Variants in USF3 observed in about 807,000 individuals in gnomAD.
USF3 encodes basic helix-loop-helix domain-containing protein USF3.
In USF3, 29 loss-of-function variants were observed where a neutral mutation model predicts 157.5. That is an observed-to-expected ratio of 0.18 (90% CI 0.14 to 0.25). The LOEUF is 0.25. Ranked by LOEUF, USF3 falls within the 10% of genes least tolerant of loss-of-function variation. The pLI, the probability that USF3 is intolerant of heterozygous loss-of-function variation, is 1.00. For missense variants in USF3, 2,381 were observed against 2,667.6 expected (o/e 0.89, Z 2.37); for synonymous variants, 893 against 941.4 (o/e 0.95, Z 0.94).
In USF3 at chr3:113,657,263, TTGCTGCTGC is replaced by T. The variant is rs10606566; in HGVS notation, c.4410_4418del (p.Gln1476_Gln1478del). 496,863 of 1,582,198 alleles carry T rather than the reference TTGCTGCTGC, an allele frequency of 0.31. 74,687 individuals are homozygous for T. The highest frequency in any genetic ancestry group is 0.33 in the Non-Finnish European group (385,734 of 1,156,864). On this transcript the variant is annotated inframe_deletion, in exon 7 of 7. Transcript: ENST00000316407. ...ACTGCCCTGCTTGTTGTTGTTGCTGTTGCTGCTGCTGCTGCTGCTGCTGCTGCTGCTGCT... is the reference window on the plus strand; with the variant it reads ...ACTGCCCTGCTTGTTGTTGTTGCTGTTGCTGCTGCTGCTGCTGCTGCTGCT...
intron 5 of USF3, among the ~76,000 whole-genome samples, chr3:113,669,264 T>G (rs527634125): frequency 6.6e-6 from 1 of 151,770 alleles, no homozygotes; most frequent in African/African-American, 2.4e-5. Context: ...TCTCTAAAAT[T>G]GAAAAATTCA....
At position 113,655,816 on chromosome 3, in the gene USF3, CAGAT is replaced by C; in HGVS notation, c.5862_5865del (p.Ser1955CysfsTer67). 1 of 1,614,164 alleles carries C rather than the reference CAGAT, an allele frequency of 6.2e-7. No individual in the cohort carries two copies. Among genetic ancestry groups the C allele is most frequent in the Non-Finnish European group, 8.5e-7 (1 of 1,180,038 alleles). ...CCTTGATCGCCATTTCCATGAGACA[CAGAT>C]GGATGTGGCAACGCTGGCCTTGCAA... On this transcript the variant is annotated frameshift_variant, in exon 7 of 7. Coordinates refer to ENST00000316407, the MANE Select transcript of USF3 (RefSeq NM_001009899.4). LOFTEE classifies it high-confidence loss of function.
chr3:113,686,949 G>T (rs895133279), intron 1 of USF3, among the ~76,000 whole-genome samples: 8 of 151,758 alleles, frequency 5.3e-5, no homozygotes. Context: ...TTATATTTTG[G>T]AAGTGAATAC....
chr3:113,659,618 C>G lies in USF3; in HGVS notation c.2064G>C (p.Met688Ile). The stretch of plus-strand genomic sequence containing the variant: ...CGCTGGTGGTGGGTTGAATAATTTG[C>G]ATAGGGGTTTGATTTGTAGTTCCTG... ...SSSGTTNQTP[M>I]QIIQPTTSED... Residue 688 changes from methionine (M) to isoleucine (I), a missense_variant, in exon 7 of 7, where the codon ATG (methionine) becomes ATC (isoleucine). Met to Ile is a conservative substitution (Grantham distance 10). Transcript: ENST00000316407. 1 of 1,614,152 alleles carries G rather than the reference C, an allele frequency of 6.2e-7. No individual in the cohort carries two copies. The highest frequency in any genetic ancestry group is 8.5e-7 in the Non-Finnish European group (1 of 1,179,994).
chr3:113,660,586 T>G lies in USF3; in HGVS notation c.1096A>C (p.Thr366Pro), dbSNP rs1171317446. The change falls in exon 7 of 7, where the codon ACA (threonine) becomes CCA (proline). Residue 366 changes from threonine (T) to proline (P), a missense_variant. Coordinates refer to ENST00000316407, the MANE Select transcript of USF3 (RefSeq NM_001009899.4). ...PMSISKSADL[T>P]STATVVASSA... ...GATGCCACCACTGTAGCTGTACTTGTCAAGTCTGCACTCTTACTAATGCTC... is the reference window on the plus strand; with the variant it reads ...GATGCCACCACTGTAGCTGTACTTGGCAAGTCTGCACTCTTACTAATGCTC... The G allele has an allele frequency of 6.2e-7, 1 of 1,614,198 alleles. No homozygotes were observed.
chr3:113,694,970 A>G (rs1707767798), intron 1 of USF3, among the ~76,000 whole-genome samples: 1 of 152,168 alleles, frequency 6.6e-6, no homozygotes, highest in Non-Finnish European at 1.5e-5. Flanking sequence ...GCTTGAACCC[A>G]GGAGGCGGAG....
intron 5 of USF3, among the ~76,000 whole-genome samples, chr3:113,669,750 A>T (rs919749241): frequency 2.0e-5 from 3 of 152,154 alleles, no homozygotes; most frequent in Non-Finnish European, 2.9e-5. Context: ...ACGGAGAATA[A>T]ATTTTTAAAA....
chr3:113,688,158 G>A (rs900991279), intron 1 of USF3, among the ~76,000 whole-genome samples: 36 of 150,212 alleles, frequency 2.4e-4, no homozygotes, highest in Admixed American at 4.6e-4. Context: ...TCACCCTGTC[G>A]CCCAAACTGG....
chr3:113,666,625 G>A (rs1231362054), intron 5 of USF3, among the ~76,000 whole-genome samples: 2 of 142,618 alleles, frequency 1.4e-5, no homozygotes, highest in African/African-American at 5.2e-5. Flanking sequence ...GGGCTGGAGT[G>A]TAGTGGCGCG....
rs748512205 is a variant in USF3, at chr3:113,659,718, G to A, written c.1964C>T (p.Thr655Ile). 2.5e-6 allele frequency: 4 copies of A among 1,614,232 alleles called. No individual in the cohort carries two copies. In the South Asian group the frequency reaches 4.4e-5, roughly 18 times the overall value. Reference sequence around the variant, plus strand: ...GGTTTGAGGCTGTTGGTTTGACATGGTAACAGAAAAAGTTTGTGTTGAGTT... The same window carrying A: ...GGTTTGAGGCTGTTGGTTTGACATGATAACAGAAAAAGTTTGTGTTGAGTT... ...ASNSTQTFSV[T>I]MSNQQPQTIS... Residue 655 changes from threonine (T) to isoleucine (I), a missense_variant, in exon 7 of 7, where the codon ACC becomes ATC. This residue lies in a region of USF3 where 1,435 missense variants were observed against 1,550.9 expected (regional missense o/e 0.93). Transcript: ENST00000316407.
intron 1 of USF3, among the ~76,000 whole-genome samples, chr3:113,689,034 AAAAC>A (rs112775519): frequency 1.6e-4 from 24 of 150,276 alleles, no homozygotes; most frequent in South Asian, 6.4e-4. Flanking sequence ...CCATCTCAAA[AAAAC>A]AAACAAACAA....
rs772329914 is a variant in USF3 at position 113,660,354 on chromosome 3, A to C, written c.1328T>G (p.Ile443Ser). Residue 443 changes from isoleucine (I) to serine (S), a missense_variant, in exon 7 of 7, where the codon ATT becomes AGT. Physicochemically the swap from Ile to Ser is moderately radical, Grantham distance 142. Coordinates refer to ENST00000316407, the MANE Select transcript of USF3 (RefSeq NM_001009899.4). ...AGATGGTGTCTGGCTTAAGGGCTGA[A>C]TAGTGTTTCCTGCCAGTTGCAAAGT... Reference protein sequence around the residue: ...WTTLQLAGNTIQPLSQTPSSA... With the variant: ...WTTLQLAGNTSQPLSQTPSSA... The C allele has an allele frequency of 2.5e-6, 4 of 1,614,080 alleles. No homozygotes were observed.
At chr3:113,686,706 A>G (rs910882980) in intron 1 of USF3, among the ~76,000 whole-genome samples, 8 of 152,204 alleles carry the variant, frequency 5.3e-5, no homozygotes, top group Admixed American at 1.3e-4. Flanking sequence ...TGATCTATAC[A>G]TGACATCTTT....
At chr3:113,665,287 T>C (rs1559714205) in intron 5 of USF3, among the ~76,000 whole-genome samples, 2 of 152,184 alleles carry the variant, frequency 1.3e-5, no homozygotes, top group South Asian at 2.1e-4. Flanking sequence ...GGAAGAGTAG[T>C]AGAAGGCCAG....
chr3:113,656,967 C>T lies in USF3; in HGVS notation c.4715G>A (p.Ser1572Asn), dbSNP rs1947372475. 1.2e-6 allele frequency: 2 copies of T among 1,614,066 alleles called. No homozygotes were observed. The highest frequency in any genetic ancestry group is 2.2e-5 in the East Asian group (1 of 44,896). ...TTCACAGCTCTTCTCTGTCTGGGAG[C>T]TTCCAAAGTGTTGCTGCATTTGTTG... ...MQQQMQQHFG[S>N]SQTEKSCENP... Residue 1572 changes from serine to asparagine, a missense_variant, in exon 7 of 7, where the codon AGC (serine) becomes AAC (asparagine). Physicochemically the swap from Ser to Asn is conservative, Grantham distance 46. Coordinates refer to ENST00000316407, the MANE Select transcript of USF3 (RefSeq NM_001009899.4).
chr3:113,659,161 G>A lies in USF3; in HGVS notation c.2521C>T (p.Leu841=). ...SAEPPCNDGL[L]ESFPAVLPSV... The stretch of plus-strand genomic sequence containing the variant: ...GGTAACACAGCAGGGAAGCTTTCTA[G>A]CAGTCCATCATTACAGGGTGGCTCT... Residue 841 remains leucine, a synonymous_variant, in exon 7 of 7, where the codon CTA becomes TTA. Coordinates refer to ENST00000316407, the MANE Select transcript of USF3 (RefSeq NM_001009899.4). 2.5e-6 allele frequency: 4 copies of A among 1,614,192 alleles called. No homozygotes were observed. The highest frequency in any genetic ancestry group is 3.4e-6 in the Non-Finnish European group (4 of 1,180,024).
intron 2 of USF3, among the ~76,000 whole-genome samples, chr3:113,675,372 C>G (rs1259795378): frequency 1.3e-5 from 2 of 152,110 alleles, no homozygotes; most frequent in African/African-American, 4.8e-5. Context: ...TACATGAAAG[C>G]AAGCATTCAT....
At position 113,657,472 on chromosome 3, in the gene USF3, G is replaced by C; in HGVS notation, c.4210C>G (p.Pro1404Ala). Residue 1404 changes from proline to alanine, a missense_variant, in exon 7 of 7, where the codon CCT becomes GCT. Physicochemically the swap from Pro to Ala is conservative, Grantham distance 27. Transcript: ENST00000316407. Reference sequence around the variant, plus strand: ...GCAGGAGTCACAAAGTTGTTACTAGGTGGAAATAATCGTGTAAGGCCATCT... The same window carrying C: ...GCAGGAGTCACAAAGTTGTTACTAGCTGGAAATAATCGTGTAAGGCCATCT... ...HGDGLTRLFP[P>A]SNNFVTPALR... 3 of 1,614,146 alleles carry C rather than the reference G, an allele frequency of 1.9e-6. No individual in the cohort carries two copies. Among genetic ancestry groups the C allele is most frequent in the Non-Finnish European group, 2.5e-6 (3 of 1,180,022 alleles).
chr3:113,655,100 A>C lies in USF3; in HGVS notation c.6582T>G (p.Phe2194Leu). The C allele has an allele frequency of 6.2e-7, 1 of 1,614,208 alleles. No individual in the cohort carries two copies. The highest frequency in any genetic ancestry group is 8.5e-7 in the Non-Finnish European group (1 of 1,180,018). ...CAGGAAGCGCTGTGGCTATTTCTGG[A>C]AACAAAGATGTCATATTAAAATTGG... ...HLSNFNMTSL[F>L]PEIATALPDG... is the part of the protein sequence containing the mutation. Residue 2194 changes from phenylalanine (F) to leucine (L), a missense_variant, in exon 7 of 7, where the codon TTT becomes TTG. Physicochemically the swap from Phe to Leu is conservative, Grantham distance 22. Transcript: ENST00000316407.
Sources: allele counts gnomAD v4.1 joint callset (sites outside exome capture counted in the v4.1 genomes callset), GRCh38; gene constraint gnomAD v4.1.1; regional missense constraint gnomAD v4.1.1; transcripts MANE v1.5; gene names NCBI Gene and HGNC (gene_info 2026-07-23, HGNC 2026-07-21).